The following PRKN variants were observed in gnomAD, a reference collection of about 807,000 sequenced individuals.
PRKN encodes E3 ubiquitin-protein ligase parkin.
In PRKN, 56 loss-of-function variants were observed where a neutral mutation model predicts 59.5. That is an observed-to-expected ratio of 0.94 (90% confidence interval 0.76 to 1.18). The LOEUF (loss-of-function observed/expected upper bound fraction) is 1.18. Ranked by LOEUF, PRKN falls within the 50% of genes most tolerant of loss-of-function variation. PRKN has a pLI of 0.00. For synonymous variants in PRKN, 250 were observed against 222.1 expected (o/e 1.13, Z -1.12); for missense variants, 657 against 596.4 (o/e 1.10, Z -1.06).
intron 7 of PRKN, among the ~76,000 whole-genome samples, chr6:161,628,111 C>T (rs1237935467): frequency 6.6e-6 from 1 of 151,980 alleles, no homozygotes; most frequent in East Asian, 1.9e-4. Flanking sequence ...ATTTATTGCT[C>T]TCCTTTTTCT....
chr6:162,261,504 C>T (rs1389901619), intron 3 of PRKN, among the ~76,000 whole-genome samples: 2 of 152,024 alleles, frequency 1.3e-5, no homozygotes, highest in African/African-American at 4.8e-5. Context: ...TTGTTATGGG[C>T]TTGGGTTCGA....
At chr6:162,126,761 T>A (rs1375355524) in intron 4 of PRKN, among the ~76,000 whole-genome samples, 1 of 152,172 alleles carries the variant, frequency 6.6e-6, no homozygotes, top group African/African-American at 2.4e-5. Flanking sequence ...TATGCCCCAG[T>A]GTCTGTTCAA....
chr6:162,453,797 G>T (rs1280289078), intron 1 of PRKN, among the ~76,000 whole-genome samples: 1 of 152,064 alleles, frequency 6.6e-6, no homozygotes, highest in Non-Finnish European at 1.5e-5. Flanking sequence ...CAGCTACTCA[G>T]GAGGCTGAGA....
At chr6:161,810,481 A>C (rs532257052) in intron 6 of PRKN, among the ~76,000 whole-genome samples, 18 of 152,206 alleles carry the variant, frequency 1.2e-4, no homozygotes, top group African/African-American at 1.9e-4. Context: ...CCTCCTTAAA[A>C]TTTAGAGATA....
chr6:161,654,422 C>G (rs1185428430), intron 7 of PRKN, among the ~76,000 whole-genome samples: 7 of 152,106 alleles, frequency 4.6e-5, no homozygotes, highest in Admixed American at 4.6e-4. Context: ...ACTGATGACA[C>G]AGCAAAGTCT....
chr6:161,902,397 A>G (rs1328486671), intron 6 of PRKN, among the ~76,000 whole-genome samples: 1 of 152,124 alleles, frequency 6.6e-6, no homozygotes, highest in African/African-American at 2.4e-5. Context: ...TAAGAAGTCT[A>G]ACCTAAATGG....
chr6:162,664,766 G>A (rs779728214), intron 1 of PRKN, among the ~76,000 whole-genome samples: 6 of 151,630 alleles, frequency 4.0e-5, no homozygotes, highest in African/African-American at 7.3e-5. Flanking sequence ...TAAGTTCCTT[G>A]TAAATTCTGT....
In PRKN at chr6:162,057,937, A is replaced by G. The variant is rs562972729; in HGVS notation, c.535-3763T>C. On this transcript the variant is annotated intron_variant, in intron 4 of 11. Transcript: ENST00000366898. Reference sequence around the variant, plus strand: ...CCATATTCAACAGAGGATTTTAATTATGATTATTAAATATATATGTAATGT... The same window carrying G: ...CCATATTCAACAGAGGATTTTAATTGTGATTATTAAATATATATGTAATGT... Among the ~76,000 whole-genome samples, 8 of 152,308 alleles carry G rather than the reference A, an allele frequency of 5.3e-5. No individual in the cohort carries two copies. In the South Asian group the frequency reaches 1.7e-3, roughly 32 times the overall value.
intron 1 of PRKN, among the ~76,000 whole-genome samples, chr6:162,655,080 T>A (rs541399991): frequency 6.6e-6 from 1 of 152,276 alleles, no homozygotes; most frequent in East Asian, 1.9e-4. Flanking sequence ...TATTCATCTT[T>A]TTCATAAATT....
rs538213956 is a variant in PRKN, at chr6:161,377,820, A to C, written c.1167+8974T>G. On this transcript the variant is annotated intron_variant, in intron 10 of 11. Transcript: ENST00000366898. This position sits in a 1 kb window ranked among gnomAD's most constrained non-coding sequence, Gnocchi z 4.2. ...TACCATGTGAGGGTATAGCTAGAAG[A>C]CGTCATCTACAAACCAAAAAGTGGT... Among the ~76,000 whole-genome samples, 1 of 152,298 alleles carries C rather than the reference A, an allele frequency of 6.6e-6. No individual in the cohort carries two copies. The highest frequency in any genetic ancestry group is 2.1e-4 in the South Asian group (1 of 4,822).
chr6:161,534,930 C>A (rs190453423), intron 9 of PRKN, among the ~76,000 whole-genome samples: 12 of 152,318 alleles, frequency 7.9e-5, no homozygotes, highest in Admixed American at 6.5e-4. Context: ...AGCTAAAACT[C>A]CTAGGACTTC....
intron 3 of PRKN, among the ~76,000 whole-genome samples, chr6:162,223,882 T>A (rs931677397): frequency 6.6e-6 from 1 of 152,128 alleles, no homozygotes; most frequent in Non-Finnish European, 1.5e-5. Flanking sequence ...GAGATAGGAA[T>A]CATATGAGAT....
At chr6:161,703,835 C>G (rs1256764509) in intron 7 of PRKN, among the ~76,000 whole-genome samples, 1 of 126,444 alleles carries the variant, frequency 7.9e-6, no homozygotes, top group Non-Finnish European at 1.6e-5. Flanking sequence ...CTCTCTCTCT[C>G]TCTCTTTTTT....
At chr6:161,969,936 T>C (rs1388969082) in intron 6 of PRKN, among the ~76,000 whole-genome samples, 1 of 152,192 alleles carries the variant, frequency 6.6e-6, no homozygotes, top group Non-Finnish European at 1.5e-5. Context: ...ACTCTGTTTT[T>C]AGCTGAACTA....
At position 161,560,524 on chromosome 6, in the gene PRKN, C is replaced by T. The variant is rs531906183; in HGVS notation, c.933+8831G>A. Among the ~76,000 whole-genome samples the T allele has an allele frequency of 6.6e-5, 10 of 152,194 alleles. No individual in the cohort carries two copies. The highest frequency in any genetic ancestry group is 5.8e-4 in the East Asian group (3 of 5,160). The stretch of plus-strand genomic sequence containing the variant: ...CTTCAGGCTGTTCTCACCTTTTCTC[C>T]GATTCTTGTCATCATTCTGGGGACT... On this transcript the variant is annotated intron_variant, in intron 8 of 11. Transcript: ENST00000366898. This position sits in a 1 kb window ranked among gnomAD's most constrained non-coding sequence, Gnocchi z 4.9.
At chr6:161,717,576 G>A (rs781050874) in intron 7 of PRKN, among the ~76,000 whole-genome samples, 11 of 152,200 alleles carry the variant, frequency 7.2e-5, no homozygotes, top group Middle Eastern at 3.4e-3. Context: ...ATGGTGGGGC[G>A]GTAGAGGGAA....
chr6:161,808,972 T>C (rs886885704), intron 6 of PRKN, among the ~76,000 whole-genome samples: 2 of 152,078 alleles, frequency 1.3e-5, no homozygotes, highest in African/African-American at 2.4e-5. Flanking sequence ...TCCTGAGTAG[T>C]TGGGACCACA....
At chr6:162,505,933 G>C (rs1690548285) in intron 1 of PRKN, among the ~76,000 whole-genome samples, 1 of 152,104 alleles carries the variant, frequency 6.6e-6, no homozygotes, top group South Asian at 2.1e-4. Context: ...ACATTGTAAG[G>C]GAAGGTGTAA....
At chr6:161,992,523 C>A (rs186668342) in intron 5 of PRKN, among the ~76,000 whole-genome samples, 2 of 152,110 alleles carry the variant, frequency 1.3e-5, no homozygotes, top group East Asian at 3.9e-4. Flanking sequence ...GGCTTCAATG[C>A]CCCTATTTCA....
Sources: gnomAD v4.1 joint callset for allele counts (sites outside exome capture counted in the v4.1 genomes callset) on GRCh38, gnomAD v4.1.1 for gene constraint, Gnocchi (gnomAD v3.1) non-coding constraint, MANE v1.5 for transcripts, NCBI Gene and HGNC (gene_info 2026-07-23, HGNC 2026-07-21) for gene names.